DPH6: variants seen among roughly 807,000 people sequenced by gnomAD.
DPH6 encodes the protein diphthamine biosynthesis 6, also known as diphthine--ammonia ligase.
A neutral mutation model predicts 38.2 loss-of-function variants in DPH6; 33 were observed. That is an observed-to-expected ratio of 0.86 (90% CI 0.65 to 1.15). The LOEUF (loss-of-function observed/expected upper bound fraction) is 1.15, where lower values mean the gene tolerates loss of function less well. Ranked by LOEUF, DPH6 falls within the 50% of genes most tolerant of loss-of-function variation. DPH6 has a pLI of 0.00. For synonymous variants in DPH6, 108 were observed against 103.0 expected, an observed-to-expected ratio of 1.05 and a Z score of -0.30; for missense variants, 325 against 320.0, an observed-to-expected ratio of 1.02 and a Z score of -0.12.
rs1469773583 is a variant in DPH6, at chr15:35,299,432, C to T, written n.200+74089G>A. ...GAGTCACTGGTTTCCTCTGATCGTA[C>T]AGGGACATCTTTTCTTCGGTTTAAT... On this transcript the variant is annotated intron_variant and non_coding_transcript_variant, in intron 3 of 3. Transcript: ENST00000560386. 6 of 782,728 alleles carry T rather than the reference C, an allele frequency of 7.7e-6. No individual in the cohort carries two copies. The East Asian group carries it at 1.2e-4, about 16-fold the overall frequency. 48.5% of individuals were successfully genotyped at this position (782,728 alleles called of 1,614,324 possible).
chr15:35,374,313 A>G lies in DPH6; in HGVS notation c.663-705T>C, dbSNP rs142774643. On this transcript the variant is annotated intron_variant, in intron 7 of 8. Transcript: ENST00000256538. ...TAATAATGTTTTGAATTTCAACTGA[A>G]AATTTAAAAATAGAAATTCCTCATA... Among the ~76,000 whole-genome samples, 820 of 152,236 alleles carry G rather than the reference A, an allele frequency of 5.4e-3. 4 individuals carry two copies. Among genetic ancestry groups the G allele is most frequent in the Non-Finnish European group, 7.5e-3 (512 of 67,988 alleles).
rs1428478661 is a variant in DPH6, at chr15:35,514,500, T to C, written c.312+23774A>G. Among the ~76,000 whole-genome samples, 5 of 152,158 alleles carry C rather than the reference T, an allele frequency of 3.3e-5. No individual in the cohort carries two copies. In the South Asian group the frequency reaches 1.0e-3, roughly 32 times the overall value. ...CCTTAAATAAGGAGGGATGTCTCAC[T>C]TTCCAAAGCAATTAATTTAAAAGAG... On this transcript the variant is annotated intron_variant, in intron 3 of 8. Coordinates refer to ENST00000256538, the MANE Select transcript of DPH6 (RefSeq NM_080650.4).
chr15:35,400,664 A>G lies in DPH6; in HGVS notation c.567+10171T>C. On this transcript the variant is annotated intron_variant, in intron 6 of 8. Transcript: ENST00000256538. ...CAGTGGATGCCACCGAGGAAGCATC[A>G]TTAAAGTCTCTCTTCCCCCTGCCAT... 1.1e-5 allele frequency: 7 copies of G among 619,992 alleles called. No individual in the cohort carries two copies. The South Asian group carries it at 1.3e-4, about 12-fold the overall frequency. 38.4% of individuals were successfully genotyped at this position (619,992 alleles called of 1,614,324 possible).
At chr15:35,500,409 TA>T (rs1336276288) in intron 3 of DPH6, among the ~76,000 whole-genome samples, 1 of 152,168 alleles carries the variant, frequency 6.6e-6, no homozygotes, top group Admixed American at 6.5e-5. Flanking sequence ...TGACATTCAC[TA>T]CCTTTTCTCA....
At chr15:35,494,080 T>A (rs1399483692) in intron 3 of DPH6, among the ~76,000 whole-genome samples, 1 of 152,152 alleles carries the variant, frequency 6.6e-6, no homozygotes. Context: ...AGTCTCCTTA[T>A]CTGTAAAAGA....
intron 3 of DPH6, among the ~76,000 whole-genome samples, chr15:35,261,246 C>T (rs898912731): frequency 1.1e-4 from 16 of 152,182 alleles, no homozygotes; most frequent in Admixed American, 3.9e-4. Context: ...CCTCTGAGCA[C>T]GGTGCCATAA....
intron 3 of DPH6, among the ~76,000 whole-genome samples, chr15:35,456,514 G>A (rs1350341619): frequency 2.0e-5 from 3 of 149,756 alleles, no homozygotes; most frequent in Non-Finnish European, 4.4e-5. Context: ...TTGAGATGGA[G>A]TCTTGCTCTG....
chr15:35,301,287 C>T (rs2052053021), intron 3 of DPH6, among the ~76,000 whole-genome samples: 1 of 152,196 alleles, frequency 6.6e-6, no homozygotes, highest in Non-Finnish European at 1.5e-5. Flanking sequence ...TACAGGAAAA[C>T]ACCAGGACTG....
chr15:35,160,977 C>T, the DPH6 span, among the ~76,000 whole-genome samples: 4 of 151,888 alleles, frequency 2.6e-5, no homozygotes, highest in African/African-American at 9.7e-5. Context: ...ACATCACACA[C>T]CAGGGACTGT....
At chr15:35,232,540 C>T (rs1652985547) in intron 3 of DPH6, among the ~76,000 whole-genome samples, 1 of 152,082 alleles carries the variant, frequency 6.6e-6, no homozygotes, top group Non-Finnish European at 1.5e-5. Context: ...GAGACCGCAC[C>T]ACTGCACTCT....
intron 5 of DPH6, among the ~76,000 whole-genome samples, chr15:35,414,576 TC>T (rs1276670696): frequency 6.6e-6 from 1 of 151,878 alleles, no homozygotes; most frequent in African/African-American, 2.4e-5. Flanking sequence ...CATCTGCTTT[TC>T]TGCCTTCTAT....
the DPH6 span, among the ~76,000 whole-genome samples, chr15:35,183,358 G>T: frequency 5.9e-5 from 9 of 152,168 alleles, no homozygotes; most frequent in African/African-American, 2.2e-4. Flanking sequence ...ATGCTTGGCT[G>T]CTGTTTCAGC....
chr15:35,354,190 T>C (rs1457650284), intron 3 of DPH6, among the ~76,000 whole-genome samples: 1 of 152,212 alleles, frequency 6.6e-6, no homozygotes, highest in Non-Finnish European at 1.5e-5. Context: ...GCTGACACGA[T>C]GGGGCTTCCT....
At chr15:35,179,881 C>T in the DPH6 span, among the ~76,000 whole-genome samples, 44 of 152,294 alleles carry the variant, frequency 2.9e-4, no homozygotes, top group Admixed American at 1.4e-3. Context: ...AGATTTTCTA[C>T]GGTTTTGCTG....
At chr15:35,317,646 G>C (rs2052204822) in intron 3 of DPH6, among the ~76,000 whole-genome samples, 2 of 149,590 alleles carry the variant, frequency 1.3e-5, no homozygotes, top group Non-Finnish European at 3.0e-5. Flanking sequence ...ATTCAGAAAG[G>C]AATGAAATAT....
At chr15:35,171,412 C>T in the DPH6 span, among the ~76,000 whole-genome samples, 47 of 152,280 alleles carry the variant, frequency 3.1e-4, no homozygotes, top group African/African-American at 1.1e-3. Context: ...TACATATACA[C>T]ACTAAGTACA....
At chr15:35,401,709 C>T in intron 6 of DPH6, 2 of 730,632 alleles carry the variant, frequency 2.7e-6, no homozygotes, top group East Asian at 2.5e-5. Context: ...ACCACGACAC[C>T]AAGGTGGCTA....
At chr15:35,356,401 C>G (rs2052560524) in intron 3 of DPH6, among the ~76,000 whole-genome samples, 1 of 152,132 alleles carries the variant, frequency 6.6e-6, no homozygotes, top group African/African-American at 2.4e-5. Context: ...GGTTTTTCCC[C>G]AACTTTGTAG....
intron 3 of DPH6, among the ~76,000 whole-genome samples, chr15:35,515,511 G>A (rs1169243390): frequency 1.3e-5 from 2 of 151,926 alleles, no homozygotes; most frequent in African/African-American, 4.8e-5. Flanking sequence ...CACAAGGTCA[G>A]GAGATCAAGA....
Sources: allele counts gnomAD v4.1 joint callset (sites outside exome capture counted in the v4.1 genomes callset), GRCh38; gene constraint gnomAD v4.1.1; transcripts MANE v1.5; gene names NCBI Gene and HGNC (gene_info 2026-07-23, HGNC 2026-07-21).